EPB42: variants seen among roughly 807,000 people sequenced by gnomAD.
EPB42 encodes the protein protein 4.2.
EPB42 carries 49 observed loss-of-function variants against 76.9 expected under a neutral mutation model. The ratio of observed to expected loss-of-function variants is 0.64; its 90% CI spans 0.51 to 0.81. EPB42 has a LOEUF of 0.81. EPB42 is among the 30% of genes least tolerant of loss of function. The pLI, the probability that EPB42 is intolerant of heterozygous loss-of-function variation, is 0.00. For synonymous variants in EPB42, 310 were observed against 338.4 expected (o/e 0.92, Z 0.92); for missense variants, 731 against 867.6 (o/e 0.84, Z 1.98).
intron 1 of EPB42, 111 bp downstream of exon 1, chr15:43,220,705 T>TACC (rs2042448110): frequency 4.0e-6 from 4 of 1,011,668 alleles, no homozygotes; most frequent in Non-Finnish European, 5.7e-6. Context: ...ACCATAGTTA[T>TACC]ACCACCATCT....
chr15:43,204,517 C>T (rs1310847183), intron 10 of EPB42, among the ~76,000 whole-genome samples: 6 of 152,168 alleles, frequency 3.9e-5, no homozygotes, highest in Admixed American at 2.0e-4. Context: ...GCTCCACTTG[C>T]GTGTGTCACG....
At chr15:43,216,478 C>T (rs149152180) in intron 1 of EPB42, 25 bp from the exon 2 acceptor site, 32 of 1,612,608 alleles carry the variant, frequency 2.0e-5, no homozygotes, top group Admixed American at 8.3e-5. Flanking sequence ...AGAGAAGTCA[C>T]GGAAACTAAG....
At chr15:43,209,575 A>T (rs1596411181) in intron 5 of EPB42, 124 bp from the exon 6 acceptor site, 1 of 1,094,300 alleles carries the variant, frequency 9.1e-7, no homozygotes, top group East Asian at 2.4e-5. Context: ...CATTAGAGCC[A>T]CCTGGTACTG....
intron 10 of EPB42, chr15:43,205,993 T>C: frequency 4.1e-6 from 1 of 246,590 alleles, no homozygotes; most frequent in Non-Finnish European, 7.9e-6. Context: ...CCTTCCAGAT[T>C]CCATGCAGTA....
chr15:43,215,957 G>A (rs553366589), intron 2 of EPB42, among the ~76,000 whole-genome samples: 2 of 152,214 alleles, frequency 1.3e-5, no homozygotes, highest in African/African-American at 4.8e-5. Context: ...CTCCCAAAGC[G>A]CTGGGATTAC....
At chr15:43,205,397 G>A (rs1387358510) in intron 10 of EPB42, among the ~76,000 whole-genome samples, 1 of 152,156 alleles carries the variant, frequency 6.6e-6, no homozygotes, top group Non-Finnish European at 1.5e-5. Flanking sequence ...CCACCATGGA[G>A]TTTTTGTTTT....
At chr15:43,210,190 G>T in intron 5 of EPB42, 145 bp downstream of exon 5, 1 of 768,330 alleles carries the variant, frequency 1.3e-6, no homozygotes, top group Non-Finnish European at 2.3e-6. Context: ...CTCCTCGGAC[G>T]CTTCTGTAGG....
intron 12 of EPB42, among the ~76,000 whole-genome samples, chr15:43,199,786 C>G (rs1416982777): frequency 6.6e-6 from 1 of 152,154 alleles, no homozygotes; most frequent in Non-Finnish European, 1.5e-5. Context: ...ATTATGGGAG[C>G]TGGTCTTTCC....
At position 43,210,339 on chromosome 15, in the gene EPB42, G is replaced by T; in HGVS notation, c.650C>A (p.Ala217Asp). The change falls in exon 5 of 13, where the codon GCC becomes GAC. Residue 217 changes from alanine (A) to aspartate (D), a missense_variant. Physicochemically the swap from Ala to Asp is moderately radical, Grantham distance 126 (BLOSUM62 -2). Transcript: ENST00000441366. ...GTTCCCCAGCCTCTCGCTTACCAAG[G>T]CACCCAACACACGGGCCACGTGCAC... is the stretch of plus-strand genomic sequence containing the variant. ...QPVHVARVLG[A>D]LLHFLKEQRV... The T allele has an allele frequency of 6.2e-7, 1 of 1,613,234 alleles. No homozygotes were observed.
At chr15:43,210,734 A>G (rs1384089286) in intron 4 of EPB42, among the ~76,000 whole-genome samples, 3 of 151,874 alleles carry the variant, frequency 2.0e-5, no homozygotes, top group Non-Finnish European at 2.9e-5. Context: ...GTTTCGTTTC[A>G]TTGCACTGCA....
At position 43,197,352 on chromosome 15, in the gene EPB42, G is replaced by C; in HGVS notation, c.2026C>G (p.Leu676Val). ...ACGGTGACGCTTTTATAGTTGGTTAGGTTCTGGAACATGTTGCAGTCCACT... is the reference window on the plus strand; with the variant it reads ...ACGGTGACGCTTTTATAGTTGGTTACGTTCTGGAACATGTTGCAGTCCACT... ...VEVDCNMFQN[L>V]TNYKSVTVVA... is the part of the protein sequence containing the mutation. The change falls in exon 13 of 13, where the codon CTA becomes GTA. Residue 676 changes from leucine to valine, a missense_variant. Leu to Val is a conservative substitution (Grantham distance 32). Transcript: ENST00000441366. The C allele has an allele frequency of 7.4e-6, 12 of 1,614,210 alleles. No individual in the cohort carries two copies. The highest frequency in any genetic ancestry group is 1.0e-5 in the Non-Finnish European group (12 of 1,180,036).
intron 7 of EPB42, 107 bp downstream of exon 7, chr15:43,208,530 T>C: frequency 1.9e-6 from 3 of 1,564,010 alleles, no homozygotes; most frequent in Non-Finnish European, 2.6e-6. Flanking sequence ...CTTGAAAGCC[T>C]ACTCTCCATG....
upstream of EPB42, among the ~76,000 whole-genome samples, chr15:43,221,821 T>TAAAAAA (rs56939497): frequency 1.9e-5 from 2 of 107,454 alleles, no homozygotes; most frequent in Non-Finnish European, 1.9e-5. Flanking sequence ...TCTTATTATG[T>TAAAAAA]AAAAAAAAAA....
Position 43,206,221 on chromosome 15 carries a change from AG to A in EPB42, c.1618+108del. The A allele has an allele frequency of 8.6e-7, 1 of 1,160,550 alleles. No homozygotes were observed. The highest frequency in any genetic ancestry group is 1.2e-6 in the Non-Finnish European group (1 of 840,822). The allele number at this position is 1,160,550 out of a possible 1,614,324, so 71.9% of individuals were successfully genotyped here. On this transcript the variant is annotated intron_variant, in intron 10 of 12. Coordinates refer to ENST00000441366, the MANE Select transcript of EPB42 (RefSeq NM_001114134.2). The surrounding 1 kb of genome is among the most constrained non-coding windows in gnomAD (Gnocchi z 4.7). ...ATGAGAGTGAGCAGCAGGGGCTCAA[AG>A]CCATCTCTAGAGACTGCAGGGGGTG...
In EPB42 at chr15:43,197,398, C is replaced by A. The variant is rs1268904650; in HGVS notation, c.1980G>T (p.Gly660=). The A allele has an allele frequency of 1.9e-6, 3 of 1,613,996 alleles. No individual in the cohort carries two copies. The highest frequency in any genetic ancestry group is 2.7e-5 in the African/African-American group (2 of 74,890). ...AKFQFTPTHV[G]LQRLTVEVDC... ...CCACTTCCACAGTGAGTCTCTGGAG[C>A]CCCACATGTGTTGGCGTGAACTGGA... The change falls in exon 13 of 13, where the codon GGG becomes GGT. Residue 660 remains glycine (G), a synonymous_variant. Coordinates refer to ENST00000441366, the MANE Select transcript of EPB42 (RefSeq NM_001114134.2).
intron 1 of EPB42, among the ~76,000 whole-genome samples, chr15:43,218,533 G>A (rs866115801): frequency 4.1e-4 from 62 of 152,154 alleles, no homozygotes; most frequent in African/African-American, 1.5e-3. Context: ...CCCATCACCT[G>A]CTTAGTCCTC....
intron 12 of EPB42, among the ~76,000 whole-genome samples, chr15:43,198,959 A>C (rs2042088126): frequency 6.6e-6 from 1 of 152,196 alleles, no homozygotes; most frequent in Non-Finnish European, 1.5e-5. Flanking sequence ...GGGTGCACAG[A>C]AGTCAAGAAC....
intron 7 of EPB42, 132 bp downstream of exon 7, chr15:43,208,505 G>T (rs559069056): frequency 2.5e-5 from 37 of 1,482,218 alleles, no homozygotes; most frequent in Non-Finnish European, 3.4e-5. Context: ...GACCATCAGC[G>T]CCGCCTCTAA....
In EPB42 at chr15:43,198,544, T is replaced by C. The variant is rs187458943; in HGVS notation, c.1914-1080A>G. Among the ~76,000 whole-genome samples, 21 of 152,240 alleles carry C rather than the reference T, an allele frequency of 1.4e-4. No individual in the cohort carries two copies. The East Asian group carries it at 4.0e-3, about 29-fold the overall frequency. On this transcript the variant is annotated intron_variant, in intron 12 of 12. Coordinates refer to ENST00000441366, the MANE Select transcript of EPB42 (RefSeq NM_001114134.2). The stretch of plus-strand genomic sequence containing the variant: ...CTTGGGTGCTGTCAAAGGCATTCAG[T>C]TTTATAAAGGAAGCAGAGCGTAAAA...
Sources: allele counts gnomAD v4.1 joint callset (sites outside exome capture counted in the v4.1 genomes callset), GRCh38; gene constraint gnomAD v4.1.1; non-coding constraint Gnocchi (gnomAD v3.1); transcripts MANE v1.5; gene names NCBI Gene and HGNC (gene_info 2026-07-23, HGNC 2026-07-21).